Variants in B3GALT1 observed in about 807,000 individuals in gnomAD.
B3GALT1 encodes the protein beta-1,3-galactosyltransferase 1.
B3GALT1 carries 10 observed loss-of-function variants against 23.2 expected under a neutral mutation model. The observed-to-expected ratio is 0.43, with a 90% CI of 0.27 to 0.73. The LOEUF (loss-of-function observed/expected upper bound fraction) is 0.73, where lower values mean the gene tolerates loss of function less well. B3GALT1 is among the 30% of genes least tolerant of loss of function. The probability of loss-of-function intolerance (pLI) is 0.21; values close to 1 mark genes in which losing one functional copy is unlikely to be tolerated. For missense variants in B3GALT1, 299 were observed against 405.4 expected, an observed-to-expected ratio of 0.74 and a Z score of 2.25; for synonymous variants, 156 against 141.5, an observed-to-expected ratio of 1.10 and a Z score of -0.73.
At chr2:167,432,904 C>T (rs1400216810) in intron 1 of B3GALT1, among the ~76,000 whole-genome samples, 1 of 152,178 alleles carries the variant, frequency 6.6e-6, no homozygotes, top group Non-Finnish European at 1.5e-5. Flanking sequence ...ACATTTGTTA[C>T]AACTGATGAA....
chr2:167,564,632 C>T (rs910812602), intron 2 of B3GALT1, among the ~76,000 whole-genome samples: 4 of 152,270 alleles, frequency 2.6e-5, no homozygotes, highest in Admixed American at 6.5e-5. Flanking sequence ...AGGCCGAGGC[C>T]GGCGGATCAC....
chr2:167,611,909 A>G (rs1685074372), intron 2 of B3GALT1, among the ~76,000 whole-genome samples: 1 of 152,116 alleles, frequency 6.6e-6, no homozygotes, highest in Non-Finnish European at 1.5e-5. Flanking sequence ...AATGTGAGAA[A>G]TAAAATCCAT....
chr2:167,365,625 C>G (rs1394337624), intron 1 of B3GALT1, among the ~76,000 whole-genome samples: 1 of 150,220 alleles, frequency 6.7e-6, no homozygotes, highest in African/African-American at 2.5e-5. Flanking sequence ...CACACACACA[C>G]GTGCATGCAA....
In B3GALT1 at chr2:167,299,800, C is replaced by G. The variant is rs187259771; in HGVS notation, c.-511+6466C>G. On this transcript the variant is annotated intron_variant, in intron 1 of 4. Coordinates refer to ENST00000392690, the MANE Select transcript of B3GALT1 (RefSeq NM_020981.4). ...CCCTCTGTTGGTTCCTTCTTTCTCTCTTGGTCTCTCTCTCTCTCCATATAT... is the reference window on the plus strand; with the variant it reads ...CCCTCTGTTGGTTCCTTCTTTCTCTGTTGGTCTCTCTCTCTCTCCATATAT... 5.3e-5 allele frequency among the ~76,000 whole-genome samples: 8 copies of G among 151,624 alleles called. No individual in the cohort carries two copies. The East Asian group carries it at 1.5e-3, about 29-fold the overall frequency.
chr2:167,824,443 G>A (rs577956053), intron 4 of B3GALT1, among the ~76,000 whole-genome samples: 12 of 152,354 alleles, frequency 7.9e-5, no homozygotes, highest in African/African-American at 2.6e-4. Flanking sequence ...TGGTGGTAGT[G>A]GAGCTTGAGA....
intron 3 of B3GALT1, among the ~76,000 whole-genome samples, chr2:167,780,903 G>C (rs1688235080): frequency 6.6e-6 from 1 of 152,198 alleles, no homozygotes; most frequent in South Asian, 2.1e-4. Context: ...GTCAATAGAG[G>C]TGGTAGTGTA....
Position 167,662,842 on chromosome 2 carries a change from G to C in B3GALT1, c.-352+15876G>C, listed in dbSNP as rs1285394826. ...ATACCAATTTTGTCTCAGGAATTTTGCATCTGCTGTTTCTTTTGCCTGTAA... is the reference window on the plus strand; with the variant it reads ...ATACCAATTTTGTCTCAGGAATTTTCCATCTGCTGTTTCTTTTGCCTGTAA... On this transcript the variant is annotated intron_variant, in intron 3 of 4. Coordinates refer to ENST00000392690, the MANE Select transcript of B3GALT1 (RefSeq NM_020981.4). Among the ~76,000 whole-genome samples the C allele has an allele frequency of 3.3e-5, 5 of 151,922 alleles. 1 individual carries two copies. The South Asian group carries it at 1.0e-3, about 32-fold the overall frequency.
At chr2:167,526,598 C>T (rs909981736) in intron 2 of B3GALT1, among the ~76,000 whole-genome samples, 3 of 152,176 alleles carry the variant, frequency 2.0e-5, no homozygotes, top group Non-Finnish European at 2.9e-5. Flanking sequence ...TTGTGTCATG[C>T]ACAATTTGTG....
chr2:167,605,918 C>A (rs2105427824), intron 2 of B3GALT1, among the ~76,000 whole-genome samples: 1 of 152,172 alleles, frequency 6.6e-6, no homozygotes, highest in African/African-American at 2.4e-5. Flanking sequence ...ATCTCCATTG[C>A]CCAAATAAGC....
chr2:167,872,048 C>T lies in B3GALT1; in HGVS notation c.*2028C>T, dbSNP rs1436181463. On this transcript the variant is annotated 3_prime_UTR_variant, in exon 5 of 5. Coordinates refer to ENST00000392690, the MANE Select transcript of B3GALT1 (RefSeq NM_020981.4). The stretch of plus-strand genomic sequence containing the variant: ...TCCCGAGTAGCTGGGACTACAGGCG[C>T]CCGCCATCACGCCCGGCTAATTTTT... 1.3e-5 allele frequency: 2 copies of T among 151,046 alleles called. No homozygotes were observed. The highest frequency in any genetic ancestry group is 3.0e-5 in the Non-Finnish European group (2 of 67,688). 9.4% of individuals were successfully genotyped at this position (151,046 alleles called of 1,614,324 possible).
chr2:167,842,982 C>G (rs1269389529), intron 4 of B3GALT1, among the ~76,000 whole-genome samples: 1 of 152,142 alleles, frequency 6.6e-6, no homozygotes. Context: ...ACACTTTTCT[C>G]ATGTTGAAGC....
chr2:167,477,914 T>C (rs903827751), intron 1 of B3GALT1, among the ~76,000 whole-genome samples: 11 of 152,158 alleles, frequency 7.2e-5, no homozygotes, highest in Non-Finnish European at 1.6e-4. Flanking sequence ...GAATAGAAAA[T>C]ACTAACGATG....
At chr2:167,676,090 C>T (rs578167357) in intron 3 of B3GALT1, among the ~76,000 whole-genome samples, 12 of 152,096 alleles carry the variant, frequency 7.9e-5, no homozygotes, top group Non-Finnish European at 1.2e-4. Flanking sequence ...ACGCCCCTCC[C>T]GATGCAGGAT....
At chr2:167,764,521 G>C (rs765431918) in intron 3 of B3GALT1, among the ~76,000 whole-genome samples, 1 of 152,064 alleles carries the variant, frequency 6.6e-6, no homozygotes, top group Non-Finnish European at 1.5e-5. Flanking sequence ...AATTAGATTG[G>C]CATCAGTACA....
chr2:167,484,727 C>G (rs892611344), intron 1 of B3GALT1, among the ~76,000 whole-genome samples: 24 of 152,100 alleles, frequency 1.6e-4, no homozygotes, highest in African/African-American at 5.8e-4. Context: ...GTTTCCTATT[C>G]AGATCTTTAA....
chr2:167,847,007 AAG>A (rs1408214887), intron 4 of B3GALT1, among the ~76,000 whole-genome samples: 1 of 152,224 alleles, frequency 6.6e-6, no homozygotes, highest in Non-Finnish European at 1.5e-5. Flanking sequence ...AAAAGAGACA[AAG>A]AGAGACACTA....
At chr2:167,769,909 A>G (rs1426133695) in intron 3 of B3GALT1, among the ~76,000 whole-genome samples, 2 of 152,220 alleles carry the variant, frequency 1.3e-5, no homozygotes, top group Non-Finnish European at 2.9e-5. Flanking sequence ...TGAAATATGT[A>G]GGAGTAAAAT....
chr2:167,429,685 A>G (rs1698679388), intron 1 of B3GALT1, among the ~76,000 whole-genome samples: 1 of 152,216 alleles, frequency 6.6e-6, no homozygotes. Flanking sequence ...CTAGATTTGG[A>G]TTTCAGGCCT....
chr2:167,516,192 T>C (rs986220249), intron 2 of B3GALT1, among the ~76,000 whole-genome samples: 1 of 152,110 alleles, frequency 6.6e-6, no homozygotes, highest in African/African-American at 2.4e-5. Context: ...ATTTTTTTTC[T>C]GCTAAGAGAT....
Sources: gnomAD v4.1 joint callset for allele counts (sites outside exome capture counted in the v4.1 genomes callset) on GRCh38, gnomAD v4.1.1 for gene constraint, MANE v1.5 for transcripts, NCBI Gene and HGNC (gene_info 2026-07-23, HGNC 2026-07-21) for gene names.